Variants in CLOCK observed in about 807,000 individuals in gnomAD.
CLOCK encodes circadian locomoter output cycles protein kaput.
In CLOCK, 43 loss-of-function variants were observed where a neutral mutation model predicts 118.4. The observed-to-expected ratio is 0.36, with a 90% CI of 0.28 to 0.47. The LOEUF (loss-of-function observed/expected upper bound fraction) is 0.47, where lower values mean the gene tolerates loss of function less well. CLOCK is among the 20% of genes least tolerant of loss of function. The pLI is 1.00. For synonymous variants in CLOCK, 326 were observed against 339.2 expected (o/e 0.96, Z 0.43); for missense variants, 846 against 999.9 (o/e 0.85, Z 2.08).
At chr4:55,493,543 T>A (rs1727859649) in intron 2 of CLOCK, among the ~76,000 whole-genome samples, 1 of 152,210 alleles carries the variant, frequency 6.6e-6, no homozygotes, top group Non-Finnish European at 1.5e-5. Context: ...GTATTATAAC[T>A]GAAACAGTAA....
chr4:55,487,662 TCCATGGAATATAATTAC>T (rs779460195), intron 3 of CLOCK, among the ~76,000 whole-genome samples: 3 of 151,926 alleles, frequency 2.0e-5, no homozygotes, highest in Non-Finnish European at 4.4e-5. Flanking sequence ...AAGAAAAGGA[TCCATGGAATATAATTAC>T]CCCTTAAACA....
At chr4:55,502,615 G>A (rs1245452144) in intron 2 of CLOCK, among the ~76,000 whole-genome samples, 1 of 152,112 alleles carries the variant, frequency 6.6e-6, no homozygotes. Flanking sequence ...CTTGGCTTTA[G>A]GGTAGGCAAA....
chr4:55,538,270 A>G (rs370437252), intron 1 of CLOCK, among the ~76,000 whole-genome samples: 4 of 152,258 alleles, frequency 2.6e-5, no homozygotes, highest in East Asian at 3.8e-4. Context: ...CAATACAACC[A>G]TATGACCAAT....
At chr4:55,528,940 C>T (rs916379401) in intron 1 of CLOCK, among the ~76,000 whole-genome samples, 3 of 152,182 alleles carry the variant, frequency 2.0e-5, no homozygotes, top group African/African-American at 7.2e-5. Context: ...AACTTGCCAG[C>T]AAACAAGAGA....
chr4:55,470,395 T>C (rs28548946), intron 8 of CLOCK, among the ~76,000 whole-genome samples: 2,292 of 152,326 alleles, frequency 0.015, 62 homozygotes, highest in African/African-American at 0.053. Flanking sequence ...AGGCTATATA[T>C]ACCATATAGC....
intron 2 of CLOCK, among the ~76,000 whole-genome samples, chr4:55,495,202 A>T (rs1205772443): frequency 1.3e-5 from 2 of 151,872 alleles, no homozygotes; most frequent in African/African-American, 4.8e-5. Flanking sequence ...CCCTACACTG[A>T]CCCCTTTTCT....
intron 22 of CLOCK, among the ~76,000 whole-genome samples, chr4:55,437,537 G>A (rs1722982418): frequency 6.6e-6 from 1 of 152,100 alleles, no homozygotes; most frequent in South Asian, 2.1e-4. Context: ...TCTATATTTT[G>A]GCTAATCCAA....
intron 1 of CLOCK, among the ~76,000 whole-genome samples, chr4:55,533,338 G>A (rs1166541041): frequency 1.3e-5 from 2 of 152,178 alleles, no homozygotes; most frequent in East Asian, 1.9e-4. Context: ...AATGACTTGC[G>A]ACAAGGGTGC....
At chr4:55,514,114 TA>T (rs1325925160) in intron 1 of CLOCK, among the ~76,000 whole-genome samples, 2 of 152,118 alleles carry the variant, frequency 1.3e-5, no homozygotes, top group African/African-American at 4.8e-5. Flanking sequence ...TTTTTTATCT[TA>T]CTGCATTAGC....
chr4:55,479,032 T>G, intron 5 of CLOCK, 69 bp from the exon 6 acceptor site: 1 of 1,275,206 alleles, frequency 7.8e-7, no homozygotes, highest in South Asian at 1.3e-5. Flanking sequence ...AATACAATGT[T>G]AATTTAGACA....
chr4:55,507,805 T>TA (rs1728906192), intron 2 of CLOCK, among the ~76,000 whole-genome samples: 1 of 152,120 alleles, frequency 6.6e-6, no homozygotes, highest in African/African-American at 2.4e-5. Flanking sequence ...ACTGGACACT[T>TA]ACTGTGTGCC....
chr4:55,478,251 T>A lies in CLOCK; in HGVS notation c.256+564A>T, dbSNP rs1023201941. Among the ~76,000 whole-genome samples, 18 of 152,252 alleles carry A rather than the reference T, an allele frequency of 1.2e-4. No individual in the cohort carries two copies. In the South Asian group the frequency reaches 2.3e-3, roughly 19 times the overall value. On this transcript the variant is annotated intron_variant, in intron 6 of 22. Coordinates refer to ENST00000513440, the MANE Select transcript of CLOCK (RefSeq NM_004898.4). ...TTCTTCTATTAACAAATACTTTATT[T>A]TATAGTGTTGATTTACTAGATATAC...
chr4:55,514,759 T>G (rs1258139519), intron 1 of CLOCK, among the ~76,000 whole-genome samples: 3 of 152,230 alleles, frequency 2.0e-5, no homozygotes, highest in Admixed American at 6.5e-5. Context: ...TAGTTCATTT[T>G]ATAAATGTTG....
chr4:55,452,742 C>T, intron 15 of CLOCK: 1 of 203,884 alleles, frequency 4.9e-6, no homozygotes, highest in Non-Finnish European at 1.0e-5. Context: ...GGGATATTAC[C>T]TACCCGATAA....
chr4:55,456,819 T>C (rs955827124), intron 11 of CLOCK, among the ~76,000 whole-genome samples: 5 of 151,942 alleles, frequency 3.3e-5, no homozygotes, highest in East Asian at 1.9e-4. Context: ...GCTGGGACTA[T>C]AGGGATGCAC....
chr4:55,536,912 TA>T (rs1368123279), intron 1 of CLOCK, among the ~76,000 whole-genome samples: 1 of 152,280 alleles, frequency 6.6e-6, no homozygotes, highest in South Asian at 2.1e-4. Context: ...CTGACATTTG[TA>T]AAACACTCCA....
intron 7 of CLOCK, among the ~76,000 whole-genome samples, chr4:55,473,999 T>C (rs1560442194): frequency 6.6e-6 from 1 of 152,258 alleles, no homozygotes; most frequent in South Asian, 2.1e-4. Context: ...CCTTTAAGTA[T>C]TCAAGTGAAA....
chr4:55,470,431 G>A (rs573981734), intron 8 of CLOCK, among the ~76,000 whole-genome samples: 21 of 152,198 alleles, frequency 1.4e-4, no homozygotes, highest in South Asian at 2.1e-4. Context: ...GTTACACATC[G>A]AGGTTTTTAT....
chr4:55,490,499 T>TA (rs1727597018), intron 2 of CLOCK, among the ~76,000 whole-genome samples: 1 of 152,092 alleles, frequency 6.6e-6, no homozygotes, highest in South Asian at 2.1e-4. Flanking sequence ...TTAAACAGTG[T>TA]ATCAGTACAG....
Sources: gnomAD v4.1 joint callset for allele counts (sites outside exome capture counted in the v4.1 genomes callset) on GRCh38, gnomAD v4.1.1 for gene constraint, MANE v1.5 for transcripts, NCBI Gene and HGNC (gene_info 2026-07-23, HGNC 2026-07-21) for gene names.